The following CABIN1 variants were observed in gnomAD, a reference collection of about 807,000 sequenced individuals.
CABIN1 encodes calcineurin binding protein 1.
Under a neutral mutation model 227.7 loss-of-function variants are expected in CABIN1, and 133 were observed. The observed-to-expected ratio is 0.58, with a 90% CI of 0.51 to 0.67. CABIN1 has a LOEUF of 0.67. CABIN1 is among the 30% of genes least tolerant of loss of function. The probability of loss-of-function intolerance (pLI) is 0.00; values close to 1 mark genes in which losing one functional copy is unlikely to be tolerated. For synonymous variants in CABIN1, 1,086 were observed against 1,155.1 expected, an observed-to-expected ratio of 0.94 and a Z score of 1.21; for missense variants, 2,408 against 2,852.5, an observed-to-expected ratio of 0.84 and a Z score of 3.55.
At chr22:24,154,283 C>T (rs1473223930) in intron 29 of CABIN1, among the ~76,000 whole-genome samples, 1 of 152,172 alleles carries the variant, frequency 6.6e-6, no homozygotes, top group Non-Finnish European at 1.5e-5. Flanking sequence ...GTCCTCGTGT[C>T]TGCTACAGCC....
intron 6 of CABIN1, among the ~76,000 whole-genome samples, chr22:24,046,164 T>G (rs1174053468): frequency 6.6e-6 from 1 of 152,122 alleles, no homozygotes; most frequent in African/African-American, 2.4e-5. Context: ...CCCCTTCTGC[T>G]TGTCATCCTG....
intron 8 of CABIN1, 130 bp from the exon 9 acceptor site, chr22:24,054,743 C>G (rs1235806494): frequency 8.9e-7 from 1 of 1,127,690 alleles, no homozygotes; most frequent in Non-Finnish European, 1.3e-6. Context: ...TGATCACCTC[C>G]CCCACCCCCA....
rs769510119 is a variant in CABIN1, at chr22:24,063,147, G to A, written c.1884+1G>A. On this transcript the variant is annotated splice_donor_variant, in intron 14 of 36. Transcript: ENST00000263119. LOFTEE classifies it high-confidence loss of function. ...GAAGGCTCGCTTCCTGGCGCTGCAG[G>A]TTAGTTCCATGGTCAGCTGCTTGGG... 14 of 1,613,972 alleles carry A rather than the reference G, an allele frequency of 8.7e-6. No individual in the cohort carries two copies. Among genetic ancestry groups the A allele is most frequent in the Non-Finnish European group, 1.2e-5 (14 of 1,179,966 alleles).
intron 1 of CABIN1, among the ~76,000 whole-genome samples, chr22:24,032,712 C>G (rs1331052684): frequency 6.6e-6 from 1 of 152,136 alleles, no homozygotes; most frequent in Non-Finnish European, 1.5e-5. Flanking sequence ...GCTATAGTTT[C>G]TACTTTTTTT....
intron 1 of CABIN1, among the ~76,000 whole-genome samples, chr22:24,020,180 T>A (rs151317651): frequency 5.9e-5 from 9 of 152,350 alleles, no homozygotes; most frequent in African/African-American, 2.2e-4. Flanking sequence ...TTTCTGTATT[T>A]TCCTGAGTAT....
chr22:24,072,000 C>T (rs2040121682), intron 17 of CABIN1, among the ~76,000 whole-genome samples: 1 of 152,180 alleles, frequency 6.6e-6, no homozygotes, highest in Non-Finnish European at 1.5e-5. Context: ...CATCTGTTCT[C>T]ATTGCAGCAG....
At chr22:24,022,472 C>T (rs549249484) in intron 1 of CABIN1, among the ~76,000 whole-genome samples, 75 of 152,278 alleles carry the variant, frequency 4.9e-4, no homozygotes, top group Non-Finnish European at 8.4e-4. Context: ...TAGTAGTATT[C>T]CACTGTATGA....
chr22:24,091,526 C>A, intron 23 of CABIN1, 57 bp from the exon 24 acceptor site: 2 of 1,611,662 alleles, frequency 1.2e-6, no homozygotes, highest in South Asian at 1.1e-5. Flanking sequence ...AGGAAAAAGT[C>A]TGATCCCTGG....
intron 29 of CABIN1, among the ~76,000 whole-genome samples, chr22:24,138,225 C>G (rs185614675): frequency 6.6e-6 from 1 of 152,274 alleles, no homozygotes; most frequent in East Asian, 1.9e-4. Flanking sequence ...ACCAACACAG[C>G]AGTCAACACA....
At position 24,061,979 on chromosome 22, in the gene CABIN1, A is replaced by G; in HGVS notation, c.1650A>G (p.Glu550=). ...DMMLMSLSCM[E]LQLDQWLLTK... Reference sequence around the variant, plus strand: ...TGCTGATGTCTCTCTCCTGCATGGAACTCCAGCTGGACCAGTGGCTGCTGA... The same window carrying G: ...TGCTGATGTCTCTCTCCTGCATGGAGCTCCAGCTGGACCAGTGGCTGCTGA... Residue 550 remains glutamate, a synonymous_variant, in exon 13 of 37, where the codon GAA becomes GAG. Coordinates refer to ENST00000263119, the MANE Select transcript of CABIN1 (RefSeq NM_012295.4). 1 of 1,613,910 alleles carries G rather than the reference A, an allele frequency of 6.2e-7. No individual in the cohort carries two copies. The highest frequency in any genetic ancestry group is 1.7e-5 in the Admixed American group (1 of 60,016).
chr22:24,083,047 G>A (rs1438903887), intron 19 of CABIN1, among the ~76,000 whole-genome samples, 181 bp from the exon 20 acceptor site: 2 of 152,178 alleles, frequency 1.3e-5, no homozygotes, highest in African/African-American at 2.4e-5. Flanking sequence ...ACTCCTATTA[G>A]GATAACAAGA....
At position 24,036,134 on chromosome 22, in the gene CABIN1, C is replaced by T; in HGVS notation, c.49C>T (p.His17Tyr). The change falls in exon 3 of 37, where the codon CAT becomes TAT. Residue 17 changes from histidine (H) to tyrosine (Y), a missense_variant. Around this residue, in one of 3 missense-constraint regions of CABIN1, gnomAD observed 1,045 missense variants for 1,168.4 expected, o/e 0.89. Transcript: ENST00000263119. Reference sequence around the variant, plus strand: ...TGCCAGCTCCACCATTGAGGATGATCATGAAGGAAGCTTTAAAAGTCACAA... The same window carrying T: ...TGCCAGCTCCACCATTGAGGATGATTATGAAGGAAGCTTTAAAAGTCACAA... ...LNASSTIEDDHEGSFKSHKTQ... is the reference protein window; with the variant it reads ...LNASSTIEDDYEGSFKSHKTQ... 6.2e-7 allele frequency: 1 copy of T among 1,613,890 alleles called. No homozygotes were observed. The highest frequency in any genetic ancestry group is 1.3e-5 in the African/African-American group (1 of 74,996).
At chr22:24,037,985 T>C (rs987445493) in intron 3 of CABIN1, among the ~76,000 whole-genome samples, 4 of 152,166 alleles carry the variant, frequency 2.6e-5, no homozygotes, top group African/African-American at 7.2e-5. Flanking sequence ...AACAGCCAAG[T>C]GGAGGAGATA....
At chr22:24,175,418 G>A (rs1444083735) in intron 34 of CABIN1, among the ~76,000 whole-genome samples, 1 of 152,242 alleles carries the variant, frequency 6.6e-6, no homozygotes, top group Non-Finnish European at 1.5e-5. Flanking sequence ...GGGAGGCGGT[G>A]GGGTGGCTGG....
At chr22:24,043,170 A>G (rs2147130887) in intron 6 of CABIN1, 86 bp downstream of exon 6, 2 of 1,209,696 alleles carry the variant, frequency 1.7e-6, no homozygotes, top group African/African-American at 3.0e-5. Context: ...CTGAAAGCCA[A>G]AGTTAACACT....
chr22:24,038,592 C>T, intron 4 of CABIN1, 131 bp downstream of exon 4: 2 of 704,378 alleles, frequency 2.8e-6, no homozygotes, highest in Non-Finnish European at 2.6e-6. Flanking sequence ...TTTCACCTCT[C>T]TGCCCCTATT....
At chr22:24,094,781 C>A (rs1188065977) in intron 24 of CABIN1, among the ~76,000 whole-genome samples, 1 of 139,354 alleles carries the variant, frequency 7.2e-6, no homozygotes, top group African/African-American at 2.7e-5. Flanking sequence ...TGCGCCACTG[C>A]AGTCCGCAGT....
intron 29 of CABIN1, among the ~76,000 whole-genome samples, chr22:24,151,294 C>T (rs1427684458): frequency 1.3e-5 from 2 of 152,172 alleles, no homozygotes; most frequent in African/African-American, 4.8e-5. Context: ...TGGCAACTGC[C>T]ACCATTCATG....
intron 24 of CABIN1, among the ~76,000 whole-genome samples, chr22:24,094,162 C>T (rs1394122529): frequency 1.3e-5 from 2 of 152,174 alleles, no homozygotes; most frequent in African/African-American, 2.4e-5. Context: ...AGGAGCTGGG[C>T]CAGATGCCCA....
Sources: allele counts gnomAD v4.1 joint callset (sites outside exome capture counted in the v4.1 genomes callset), GRCh38; gene constraint gnomAD v4.1.1; regional missense constraint gnomAD v4.1.1; transcripts MANE v1.5; gene names NCBI Gene and HGNC (gene_info 2026-07-23, HGNC 2026-07-21).